The following TP53BP2 variants were observed in gnomAD, a reference collection of about 807,000 sequenced individuals.
TP53BP2 encodes tumor protein p53 binding protein 2, also known as apoptosis-stimulating of p53 protein 2.
In TP53BP2, 62 loss-of-function variants were observed where a neutral mutation model predicts 126.2. That is an observed-to-expected ratio of 0.49 (90% CI 0.40 to 0.61). TP53BP2 has a LOEUF of 0.61. Ranked by LOEUF, TP53BP2 falls within the 20% of genes least tolerant of loss-of-function variation. The probability of loss-of-function intolerance (pLI) is 0.00; values close to 1 mark genes in which losing one functional copy is unlikely to be tolerated. For missense variants in TP53BP2, 1,215 were observed against 1,402.8 expected, an observed-to-expected ratio of 0.87 and a Z score of 2.14; for synonymous variants, 485 against 502.9, an observed-to-expected ratio of 0.96 and a Z score of 0.48.
intron 16 of TP53BP2, among the ~76,000 whole-genome samples, chr1:223,785,286 G>C (rs1484965605): frequency 6.6e-6 from 1 of 152,180 alleles, no homozygotes; most frequent in Non-Finnish European, 1.5e-5. Flanking sequence ...ATCAACTAAT[G>C]ATATAGCACA....
At chr1:223,831,480 A>AAAAAAAT (rs1287271743) in intron 1 of TP53BP2, among the ~76,000 whole-genome samples, 124 of 32,404 alleles carry the variant, frequency 3.8e-3, no homozygotes, top group Non-Finnish European at 6.6e-3. Context: ...AAAAAAAAAA[A>AAAAAAAT]ATATATATAT....
In TP53BP2 at chr1:223,806,865, T is replaced by C; in HGVS notation, c.455A>G (p.Gln152Arg). ...TACTACCTTAGTTGCCAGCAATTGT[T>C]GCTGGGCTTCAATCTGTTGCTGCTG... ...SRQQQQIEAQ[Q>R]QLLATKEQRL... The change falls in exon 5 of 18, where the codon CAA becomes CGA. Residue 152 changes from glutamine (Q) to arginine (R), a missense_variant. This residue lies in a region of TP53BP2 where 814 missense variants were observed against 853.0 expected (regional missense o/e 0.95). Coordinates refer to ENST00000343537, the MANE Select transcript of TP53BP2 (RefSeq NM_001031685.3). 1 of 1,613,994 alleles carries C rather than the reference T, an allele frequency of 6.2e-7. No individual in the cohort carries two copies. The highest frequency in any genetic ancestry group is 8.5e-7 in the Non-Finnish European group (1 of 1,179,912).
At chr1:223,818,635 T>C (rs58678473) in intron 2 of TP53BP2, among the ~76,000 whole-genome samples, 47,264 of 150,818 alleles carry the variant, frequency 0.31, 10,993 homozygotes, top group African/African-American at 0.66. Flanking sequence ...AGTGGAGTTG[T>C]GCGATCTCAG....
At chr1:223,805,848 T>C (rs1449132654) in intron 5 of TP53BP2, among the ~76,000 whole-genome samples, 1 of 152,232 alleles carries the variant, frequency 6.6e-6, no homozygotes, top group Non-Finnish European at 1.5e-5. Flanking sequence ...TGTTTACCTA[T>C]TATCCATGAC....
chr1:223,819,917 T>A (rs1187610749), intron 2 of TP53BP2, among the ~76,000 whole-genome samples: 1 of 152,210 alleles, frequency 6.6e-6, no homozygotes, highest in Non-Finnish European at 1.5e-5. Context: ...TTAAATAGTT[T>A]ACATTCTAGT....
intron 2 of TP53BP2, among the ~76,000 whole-genome samples, chr1:223,815,065 G>T (rs904479511): frequency 6.6e-6 from 1 of 152,108 alleles, no homozygotes; most frequent in East Asian, 1.9e-4. Context: ...ATATAAAAAC[G>T]AGACACACTG....
intron 5 of TP53BP2, among the ~76,000 whole-genome samples, chr1:223,805,255 A>G (rs1418289161): frequency 6.9e-6 from 1 of 143,940 alleles, no homozygotes; most frequent in African/African-American, 2.8e-5. Flanking sequence ...AACCCATCTC[A>G]AAAGAAAAAA....
In TP53BP2 at chr1:223,821,240, G is replaced by C; in HGVS notation, c.155C>G (p.Ala52Gly). 5.6e-6 allele frequency: 9 copies of C among 1,614,026 alleles called. No individual in the cohort carries two copies. Among genetic ancestry groups the C allele is most frequent in the Non-Finnish European group, 7.6e-6 (9 of 1,179,902 alleles). Residue 52 changes from alanine to glycine, a missense_variant, in exon 2 of 18, where the codon GCT (alanine) becomes GGT (glycine). Physicochemically the swap from Ala to Gly is moderately conservative, Grantham distance 60 (BLOSUM62 0). This residue lies in a region of TP53BP2 where 814 missense variants were observed against 853.0 expected (regional missense o/e 0.95). Transcript: ENST00000343537. ...KEPGESDCHL[A>G]EVWCGSERPV... Reference sequence around the variant, plus strand: ...CTCACCAGAGCCACACCACACTTCAGCCAAATGGCAATCACTCTCGCCGGG... The same window carrying C: ...CTCACCAGAGCCACACCACACTTCACCCAAATGGCAATCACTCTCGCCGGG...
In TP53BP2 at chr1:223,802,754, G is replaced by C. The variant is rs775091464; in HGVS notation, c.973C>G (p.Leu325Val). Reference sequence around the variant, plus strand: ...ACTGGTAGATTTTCTTTTTGCTGTAGAGCTGCCTTCTTCTTCCACAGCCGG... The same window carrying C: ...ACTGGTAGATTTTCTTTTTGCTGTACAGCTGCCTTCTTCTTCCACAGCCGG... ...RDRLWKKKAA[L>V]QQKENLPVSS... is the part of the protein sequence containing the mutation. Residue 325 changes from leucine to valine, a missense_variant, in exon 8 of 18, where the codon CTA (leucine) becomes GTA (valine). Coordinates refer to ENST00000343537, the MANE Select transcript of TP53BP2 (RefSeq NM_001031685.3). 2.5e-6 allele frequency: 4 copies of C among 1,613,988 alleles called. No individual in the cohort carries two copies. Among genetic ancestry groups the C allele is most frequent in the South Asian group, 1.1e-5 (1 of 91,056 alleles).
At chr1:223,841,727 C>A (rs1235512727) in intron 1 of TP53BP2, among the ~76,000 whole-genome samples, 1 of 152,110 alleles carries the variant, frequency 6.6e-6, no homozygotes, top group Non-Finnish European at 1.5e-5. Context: ...AAAGGAGATA[C>A]TGTAATATCC....
At chr1:223,831,177 G>A (rs1663692806) in intron 1 of TP53BP2, among the ~76,000 whole-genome samples, 1 of 150,186 alleles carries the variant, frequency 6.7e-6, no homozygotes. Flanking sequence ...CAGGCCAGGA[G>A]CTAGAGGCCA....
At chr1:223,845,454 C>T (rs930717340) in intron 1 of TP53BP2, among the ~76,000 whole-genome samples, 200 bp downstream of exon 1, 1 of 152,204 alleles carries the variant, frequency 6.6e-6, no homozygotes, top group African/African-American at 2.4e-5. Flanking sequence ...GCCGCGCCCC[C>T]ACGACGGCTG....
Position 223,803,299 on chromosome 1 carries a change from T to A in TP53BP2, c.803A>T (p.Glu268Val), listed in dbSNP as rs372107882. 36 of 1,612,876 alleles carry A rather than the reference T, an allele frequency of 2.2e-5. No homozygotes were observed. Among genetic ancestry groups the A allele is most frequent in the Non-Finnish European group, 3.0e-5 (35 of 1,179,696 alleles). Residue 268 changes from glutamate (E) to valine (V), a missense_variant, in exon 7 of 18, where the codon GAG (glutamate) becomes GTG (valine). Physicochemically the swap from Glu to Val is moderately radical, Grantham distance 121 (BLOSUM62 -2). Transcript: ENST00000343537. The part of the protein sequence containing the change: ...SHHDNQSAVA[E>V]LDRLYKELQL... The stretch of plus-strand genomic sequence containing the variant: ...CAGCTCCTTATAGAGGCGATCAAGC[T>A]CAGCCACTGCAGACTGATTGTCATG...
At position 223,831,153 on chromosome 1, in the gene TP53BP2, C is replaced by T. The variant is rs189603971; in HGVS notation, c.28-9786G>A. On this transcript the variant is annotated intron_variant, in intron 1 of 17. Transcript: ENST00000343537. ...ATCTCAGTATTTTGGGAGGCTGAGGCGGGAGGATCACTTCAGGCCAGGAGC... is the reference window on the plus strand; with the variant it reads ...ATCTCAGTATTTTGGGAGGCTGAGGTGGGAGGATCACTTCAGGCCAGGAGC... Among the ~76,000 whole-genome samples, 1,061 of 149,454 alleles carry T rather than the reference C, an allele frequency of 7.1e-3. 13 individuals are homozygous for T. The highest frequency in any genetic ancestry group is 0.019 in the African/African-American group (755 of 40,586).
At chr1:223,786,565 T>TGTGTGTGC (rs1349839057) in intron 16 of TP53BP2, among the ~76,000 whole-genome samples, 11 of 137,472 alleles carry the variant, frequency 8.0e-5, no homozygotes, top group South Asian at 6.9e-4. Flanking sequence ...TATATATGTG[T>TGTGTGTGC]GTGTGTGCGT....
intron 1 of TP53BP2, among the ~76,000 whole-genome samples, chr1:223,822,486 C>A (rs1222624860): frequency 6.6e-6 from 1 of 152,112 alleles, no homozygotes; most frequent in East Asian, 1.9e-4. Flanking sequence ...GGCAACGAAG[C>A]AACACTCCGT....
At chr1:223,818,426 C>A (rs1663169486) in intron 2 of TP53BP2, 1 of 150,360 alleles carries the variant, frequency 6.7e-6, no homozygotes, top group Non-Finnish European at 1.5e-5. Flanking sequence ...ATCACTTGAA[C>A]CCAGGAGGCG....
At chr1:223,833,374 A>T (rs1405150101) in intron 1 of TP53BP2, among the ~76,000 whole-genome samples, 1 of 152,230 alleles carries the variant, frequency 6.6e-6, no homozygotes, top group African/African-American at 2.4e-5. Flanking sequence ...AGTTAGTAGA[A>T]TTCAGAAATC....
intron 2 of TP53BP2, among the ~76,000 whole-genome samples, chr1:223,814,716 C>A (rs1407494825): frequency 6.6e-6 from 1 of 151,980 alleles, no homozygotes; most frequent in Non-Finnish European, 1.5e-5. Flanking sequence ...CACTAATATT[C>A]ATGATTCTCC....
Sources: gnomAD v4.1 joint callset for allele counts (sites outside exome capture counted in the v4.1 genomes callset) on GRCh38, gnomAD v4.1.1 for gene constraint, gnomAD v4.1.1 regional missense constraint, MANE v1.5 for transcripts, NCBI Gene and HGNC (gene_info 2026-07-23, HGNC 2026-07-21) for gene names.